CEP83: variants seen among roughly 807,000 people sequenced by gnomAD.
The protein encoded by CEP83 is centrosomal protein 83, also known as centrosomal protein of 83 kDa.
In CEP83, 70 loss-of-function variants were observed where a neutral mutation model predicts 101.9. The ratio of observed to expected loss-of-function variants is 0.69; its 90% CI spans 0.57 to 0.84. The LOEUF is 0.84. Ranked by LOEUF, CEP83 falls within the 40% of genes least tolerant of loss-of-function variation. CEP83 has a pLI of 0.00. For synonymous variants in CEP83, 264 were observed against 267.9 expected, an observed-to-expected ratio of 0.99 and a Z score of 0.14; for missense variants, 715 against 787.2, an observed-to-expected ratio of 0.91 and a Z score of 1.10.
At position 94,394,382 on chromosome 12, in the gene CEP83, C is replaced by T. The variant is rs551096025; in HGVS notation, c.549+6468G>A. Among the ~76,000 whole-genome samples, 4 of 152,204 alleles carry T rather than the reference C, an allele frequency of 2.6e-5. No homozygotes were observed. The South Asian group carries it at 8.3e-4, about 32-fold the overall frequency. On this transcript the variant is annotated intron_variant, in intron 6 of 16. Coordinates refer to ENST00000397809, the MANE Select transcript of CEP83 (RefSeq NM_016122.3). ...AAAAACAAGCAATGGAGAAAGGATTCCCTATTTAATAAATGGTGCTGGGAA... is the reference window on the plus strand; with the variant it reads ...AAAAACAAGCAATGGAGAAAGGATTTCCTATTTAATAAATGGTGCTGGGAA...
At chr12:94,335,736 C>A in intron 11 of CEP83, 72 bp from the exon 12 acceptor site, 2 of 978,562 alleles carry the variant, frequency 2.0e-6, no homozygotes, top group South Asian at 3.1e-5. Flanking sequence ...ATTAAAGAGT[C>A]ATTTTATTGA....
intron 6 of CEP83, among the ~76,000 whole-genome samples, chr12:94,379,803 T>A (rs2061739535): frequency 6.6e-6 from 1 of 152,042 alleles, no homozygotes; most frequent in Admixed American, 6.6e-5. Context: ...GGGCAAGCAA[T>A]CAGGGTCTAG....
the CEP83 span, among the ~76,000 whole-genome samples, chr12:94,295,430 G>A: frequency 6.6e-6 from 1 of 152,198 alleles, no homozygotes; most frequent in South Asian, 2.1e-4. Flanking sequence ...AAGTGGAAGA[G>A]CATGGTTTTT....
chr12:94,412,890 T>C (rs574593232), intron 2 of CEP83, among the ~76,000 whole-genome samples: 1 of 151,696 alleles, frequency 6.6e-6, no homozygotes, highest in Admixed American at 6.6e-5. Flanking sequence ...TCTCGCTCGT[T>C]CGCCCAGGCT....
intron 11 of CEP83, among the ~76,000 whole-genome samples, chr12:94,356,671 A>G (rs543912763): frequency 1.3e-5 from 2 of 152,352 alleles, no homozygotes; most frequent in South Asian, 4.1e-4. Context: ...CAATAAGTCA[A>G]TATGGACCAG....
At chr12:94,301,246 G>A in the CEP83 span, among the ~76,000 whole-genome samples, 2 of 152,078 alleles carry the variant, frequency 1.3e-5, no homozygotes, top group African/African-American at 4.8e-5. Flanking sequence ...TTTTTAAAGT[G>A]AAAAACAAAA....
chr12:94,358,809 G>C (rs2060603252), intron 11 of CEP83, among the ~76,000 whole-genome samples: 1 of 152,222 alleles, frequency 6.6e-6, no homozygotes, highest in South Asian at 2.1e-4. Context: ...AATCTAAGAA[G>C]GGAGACATGT....
intron 1 of CEP83, among the ~76,000 whole-genome samples, chr12:94,454,593 T>C (rs915300502): frequency 9.2e-5 from 14 of 152,360 alleles, no homozygotes; most frequent in Admixed American, 6.5e-4. Flanking sequence ...GCTAGGCACC[T>C]GAGCCAGCAG....
intron 2 of CEP83, among the ~76,000 whole-genome samples, chr12:94,433,575 G>A (rs1324784042): frequency 6.6e-6 from 1 of 151,888 alleles, no homozygotes; most frequent in African/African-American, 2.4e-5. Context: ...CAGCTACTCA[G>A]GTGGCTGAGG....
At chr12:94,454,406 A>G (rs774455521) in intron 1 of CEP83, among the ~76,000 whole-genome samples, 17 of 152,206 alleles carry the variant, frequency 1.1e-4, no homozygotes, top group Non-Finnish European at 2.5e-4. Flanking sequence ...TTTTCTGTCT[A>G]GCTAAAGGAT....
chr12:94,443,338 TCA>T (rs1208357206), intron 1 of CEP83, among the ~76,000 whole-genome samples: 4 of 151,982 alleles, frequency 2.6e-5, no homozygotes, highest in African/African-American at 7.3e-5. Context: ...AATCCACAAA[TCA>T]CAGAGTCAAA....
the CEP83 span, among the ~76,000 whole-genome samples, chr12:94,271,581 A>G: frequency 6.6e-6 from 1 of 152,232 alleles, no homozygotes; most frequent in East Asian, 1.9e-4. Flanking sequence ...GGGCTCAGCC[A>G]CTTTACTCTG....
At chr12:94,460,020 CGGTT>C (rs1566278220), upstream of CEP83, 2 of 152,590 alleles carry the variant, frequency 1.3e-5, no homozygotes, top group Admixed American at 1.3e-4. Context: ...CCACCGACGC[CGGTT>C]GCTGCCGGAG....
chr12:94,365,638 C>G (rs1354575274), intron 11 of CEP83, among the ~76,000 whole-genome samples: 1 of 152,024 alleles, frequency 6.6e-6, no homozygotes, highest in Non-Finnish European at 1.5e-5. Flanking sequence ...GTTGTGGTGA[C>G]ATACACCTGT....
the CEP83 span, chr12:94,280,073 G>A: frequency 3.0e-6 from 1 of 337,180 alleles, no homozygotes; most frequent in African/African-American, 2.2e-5. Flanking sequence ...TCAGACTCTG[G>A]GTGTTAACTC....
chr12:94,380,297 G>T (rs1410698831), intron 6 of CEP83, among the ~76,000 whole-genome samples: 1 of 152,092 alleles, frequency 6.6e-6, no homozygotes, highest in Non-Finnish European at 1.5e-5. Context: ...AACACATAGT[G>T]ATTCCAGTTT....
intron 2 of CEP83, among the ~76,000 whole-genome samples, chr12:94,432,665 T>A (rs529783312): frequency 2.2e-4 from 33 of 152,210 alleles, no homozygotes; most frequent in African/African-American, 7.9e-4. Context: ...ACAATACAAG[T>A]TCTAATGTCG....
At chr12:94,325,490 C>T (rs921620008) in intron 14 of CEP83, among the ~76,000 whole-genome samples, 11 of 152,136 alleles carry the variant, frequency 7.2e-5, no homozygotes, top group Non-Finnish European at 1.3e-4. Context: ...GTCAATTTTC[C>T]TCTTAGTACT....
Position 94,368,160 on chromosome 12 carries a change from G to T in CEP83, c.1090C>A (p.His364Asn). The change falls in exon 10 of 17, where the codon CAT becomes AAT. Residue 364 changes from histidine to asparagine, a missense_variant. Physicochemically the swap from His to Asn is moderately conservative, Grantham distance 68. Transcript: ENST00000397809. The part of the protein sequence containing the change: ...DNEILKAAVE[H>N]HKVLLVEKDR... ...TTTTCTACTAAGAGCACTTTGTGAT[G>T]TTCAACAGCTGCTTTGAGAATTTCA... 6.2e-7 allele frequency: 1 copy of T among 1,612,658 alleles called. No homozygotes were observed. The highest frequency in any genetic ancestry group is 8.5e-7 in the Non-Finnish European group (1 of 1,179,164).
Sources: allele counts gnomAD v4.1 joint callset (sites outside exome capture counted in the v4.1 genomes callset), GRCh38; gene constraint gnomAD v4.1.1; transcripts MANE v1.5; gene names NCBI Gene and HGNC (gene_info 2026-07-23, HGNC 2026-07-21).